SEC24D: variants seen among roughly 807,000 people sequenced by gnomAD.
SEC24D encodes protein transport protein Sec24D.
SEC24D carries 69 observed loss-of-function variants against 116.9 expected under a neutral mutation model. The observed-to-expected ratio is 0.59, with a 90% confidence interval of 0.49 to 0.72. SEC24D has a LOEUF of 0.72. SEC24D is among the 30% of genes least tolerant of loss of function. The pLI, the probability that SEC24D is intolerant of heterozygous loss-of-function variation, is 0.00. For synonymous variants in SEC24D, 405 were observed against 442.8 expected (o/e 0.91, Z 1.07); for missense variants, 1,131 against 1,264.1 (o/e 0.89, Z 1.60).
intron 13 of SEC24D, among the ~76,000 whole-genome samples, chr4:118,747,411 C>T (rs1456208808): frequency 6.6e-6 from 1 of 151,560 alleles, no homozygotes; most frequent in Non-Finnish European, 1.5e-5. Flanking sequence ...GGATTACAGA[C>T]GTGCGCCACC....
In SEC24D at chr4:118,723,290, A is replaced by T; in HGVS notation, c.*225T>A. 1 of 404,296 alleles carries T rather than the reference A, an allele frequency of 2.5e-6. No homozygotes were observed. The highest frequency in any genetic ancestry group is 3.9e-5 in the East Asian group (1 of 25,344). The allele number at this position is 404,296 out of a possible 1,614,324, so 25.0% of individuals were successfully genotyped here. ...AAACCACATCAGTTTTAAAAATTAG[A>T]AACTGTGCAATCAGAAACAGATTGT... On this transcript the variant is annotated 3_prime_UTR_variant, in exon 23 of 23. Transcript: ENST00000280551.
Position 118,745,069 on chromosome 4 carries a change from A to C in SEC24D, c.1708-9T>G. 1 of 1,542,176 alleles carries C rather than the reference A, an allele frequency of 6.5e-7. No individual in the cohort carries two copies. The highest frequency in any genetic ancestry group is 8.8e-7 in the Non-Finnish European group (1 of 1,138,622). On this transcript the variant is annotated splice_polypyrimidine_tract_variant and intron_variant, in intron 13 of 22. Coordinates refer to ENST00000280551, the MANE Select transcript of SEC24D (RefSeq NM_014822.4). Reference sequence around the variant, plus strand: ...CCAGGACAGTCTGCTGCCTAAAAAAAAAAAAAAACCCAAAAACCCACAGAA... The same window carrying C: ...CCAGGACAGTCTGCTGCCTAAAAAACAAAAAAAACCCAAAAACCCACAGAA...
intron 6 of SEC24D, among the ~76,000 whole-genome samples, chr4:118,806,533 A>T (rs191633074): frequency 7.0e-4 from 106 of 151,198 alleles, no homozygotes; most frequent in African/African-American, 2.5e-3. Flanking sequence ...TCCTCTCCCT[A>T]TGTTGCCCAG....
At position 118,732,736 on chromosome 4, in the gene SEC24D, G is replaced by A. The variant is rs892989599; in HGVS notation, c.2673C>T (p.Pro891=). The A allele has an allele frequency of 1.9e-5, 30 of 1,613,616 alleles. No homozygotes were observed. Among genetic ancestry groups the A allele is most frequent in the African/African-American group, 1.6e-4 (12 of 74,910 alleles). ...TGCACCACCCCAGCATGCTTACTATGGGCAGAAGTTGTGGGTAGAAGAAAA... is the reference window on the plus strand; with the variant it reads ...TGCACCACCCCAGCATGCTTACTATAGGCAGAAGTTGTGGGTAGAAGAAAA... ...SQLFFYPQLL[P]IHTLDVKSTM... The change falls in exon 20 of 23, where the codon CCC becomes CCT. Residue 891 remains proline (P), a synonymous_variant. Coordinates refer to ENST00000280551, the MANE Select transcript of SEC24D (RefSeq NM_014822.4).
At chr4:118,751,930 T>G (rs1726859196) in intron 13 of SEC24D, 66 bp downstream of exon 13, 5 of 1,111,628 alleles carry the variant, frequency 4.5e-6, no homozygotes, top group Middle Eastern at 2.0e-4. Context: ...AAATGAAACT[T>G]TCTTATTTTT....
intron 22 of SEC24D, among the ~76,000 whole-genome samples, chr4:118,723,998 AC>A (rs1229344677): frequency 5.3e-5 from 8 of 152,236 alleles, no homozygotes; most frequent in Admixed American, 3.9e-4. Flanking sequence ...TACCAGAGAT[AC>A]AATTATGGCT....
At chr4:118,746,231 G>GGGAGGGAGGGAGGGAA (rs1553923443) in intron 13 of SEC24D, among the ~76,000 whole-genome samples, 19 of 114,592 alleles carry the variant, frequency 1.7e-4, no homozygotes, top group Admixed American at 7.9e-4. Flanking sequence ...GGTTGGGGGA[G>GGGAGGGAGGGAGGGAA]GGAGGGAGGG....
intron 3 of SEC24D, among the ~76,000 whole-genome samples, chr4:118,822,731 T>G (rs1730449462): frequency 6.6e-6 from 1 of 151,508 alleles, no homozygotes; most frequent in Non-Finnish European, 1.5e-5. Context: ...GCCACCATGC[T>G]TGGCTAATTT....
At chr4:118,821,777 C>T (rs572465766) in intron 3 of SEC24D, among the ~76,000 whole-genome samples, 344 of 152,344 alleles carry the variant, frequency 2.3e-3, no homozygotes, top group Non-Finnish European at 3.2e-3. Flanking sequence ...TGCACAATCA[C>T]GGTGCACTTT....
rs1279082994 is a variant in SEC24D at position 118,723,474 on chromosome 4, A to G, written c.*41T>C. The stretch of plus-strand genomic sequence containing the variant: ...AAAATTAGGCACCAAGAAGGAGATT[A>G]TCTCCTTGGAAATGCAACATCAATG... On this transcript the variant is annotated 3_prime_UTR_variant, in exon 23 of 23. Transcript: ENST00000280551. The G allele has an allele frequency of 1.9e-6, 3 of 1,581,674 alleles. No homozygotes were observed. Among genetic ancestry groups the G allele is most frequent in the South Asian group, 2.3e-5 (2 of 85,220 alleles).
At chr4:118,784,738 TG>T (rs1728585485) in intron 8 of SEC24D, among the ~76,000 whole-genome samples, 2 of 114,582 alleles carry the variant, frequency 1.7e-5, no homozygotes, top group African/African-American at 3.2e-5. Context: ...CATCCTTCCC[TG>T]CCCCCCCCCC....
intron 8 of SEC24D, among the ~76,000 whole-genome samples, chr4:118,778,073 G>A (rs534892804): frequency 1.3e-5 from 2 of 152,210 alleles, no homozygotes; most frequent in Admixed American, 1.3e-4. Flanking sequence ...TCACTCTGAT[G>A]GTAGTTTCTT....
At chr4:118,752,207 C>A (rs1169929037) in intron 12 of SEC24D, 118 bp from the exon 13 acceptor site, 2 of 644,782 alleles carry the variant, frequency 3.1e-6, no homozygotes, top group Non-Finnish European at 5.4e-6. Context: ...GACACCAACA[C>A]CTATAGGTAA....
chr4:118,781,511 G>C (rs969277171), intron 8 of SEC24D, among the ~76,000 whole-genome samples: 1 of 152,160 alleles, frequency 6.6e-6, no homozygotes, highest in Non-Finnish European at 1.5e-5. Flanking sequence ...CTCTCTGGCT[G>C]CCCTTAACAT....
At chr4:118,754,570 C>A (rs1726993223) in intron 11 of SEC24D, among the ~76,000 whole-genome samples, 1 of 152,060 alleles carries the variant, frequency 6.6e-6, no homozygotes, top group African/African-American at 2.4e-5. Flanking sequence ...CCCTGAGGGT[C>A]GGGTACAATG....
intron 7 of SEC24D, among the ~76,000 whole-genome samples, chr4:118,805,522 G>A (rs1333179284): frequency 1.3e-5 from 2 of 152,184 alleles, no homozygotes; most frequent in Non-Finnish European, 2.9e-5. Context: ...TGCTCTGCTC[G>A]TGCCAGCTTT....
At position 118,824,674 on chromosome 4, in the gene SEC24D, C is replaced by G; in HGVS notation, c.194G>C (p.Gly65Ala). The G allele has an allele frequency of 7.5e-6, 12 of 1,608,952 alleles. No individual in the cohort carries two copies. The highest frequency in any genetic ancestry group is 1.0e-5 in the Non-Finnish European group (12 of 1,177,980). ...TCCATTCTGACCAAACTGATGGGGTCCAGGAGGTGGGGGACCCGGAGGCAA... is the reference window on the plus strand; with the variant it reads ...TCCATTCTGACCAAACTGATGGGGTGCAGGAGGTGGGGGACCCGGAGGCAA... Reference protein sequence around the residue: ...GMLPPGPPPPGPHQFGQNGAH... With the variant: ...GMLPPGPPPPAPHQFGQNGAH... The change falls in exon 3 of 23, where the codon GGA becomes GCA. Residue 65 changes from glycine (G) to alanine (A), a missense_variant. Gly to Ala is a moderately conservative substitution (Grantham distance 60). Coordinates refer to ENST00000280551, the MANE Select transcript of SEC24D (RefSeq NM_014822.4).
chr4:118,833,410 G>A (rs1316375239), intron 2 of SEC24D, 169 bp downstream of exon 2: 2 of 527,690 alleles, frequency 3.8e-6, no homozygotes, highest in Admixed American at 3.6e-5. Context: ...AACCAAACTA[G>A]TGATGTAGAG....
chr4:118,743,780 C>G (rs1726352817), intron 15 of SEC24D, among the ~76,000 whole-genome samples: 2 of 152,148 alleles, frequency 1.3e-5, no homozygotes, highest in South Asian at 4.1e-4. Flanking sequence ...ATATTTGGTT[C>G]TGAGTATTTT....
Sources: allele counts gnomAD v4.1 joint callset (sites outside exome capture counted in the v4.1 genomes callset), GRCh38; gene constraint gnomAD v4.1.1; transcripts MANE v1.5; gene names NCBI Gene and HGNC (gene_info 2026-07-23, HGNC 2026-07-21).